The following ARRDC3 variants were observed in gnomAD, a reference collection of about 807,000 sequenced individuals.
ARRDC3 encodes the protein arrestin domain containing 3, also known as arrestin domain-containing protein 3.
Under a neutral mutation model 47.2 loss-of-function variants are expected in ARRDC3, and 10 were observed. The ratio of observed to expected loss-of-function variants is 0.21; its 90% confidence interval spans 0.13 to 0.36. The LOEUF (loss-of-function observed/expected upper bound fraction) is 0.36. ARRDC3 is among the 10% of genes least tolerant of loss of function. ARRDC3 has a pLI of 1.00. For missense variants in ARRDC3, 381 were observed against 503.6 expected (o/e 0.76, Z 2.33); for synonymous variants, 156 against 178.3 (o/e 0.87, Z 1.00).
In ARRDC3 at chr5:91,371,372, C is replaced by G; in HGVS notation, c.*28G>C. The G allele has an allele frequency of 1.3e-6, 2 of 1,592,732 alleles. No homozygotes were observed. The highest frequency in any genetic ancestry group is 8.6e-7 in the Non-Finnish European group (1 of 1,160,998). On this transcript the variant is annotated 3_prime_UTR_variant, in exon 8 of 8. Coordinates refer to ENST00000265138, the MANE Select transcript of ARRDC3 (RefSeq NM_020801.4). ...CGGAAGAGATACAGTTCGGAACCCACATCAACTTGATTCAACCAAGTGTTC... is the reference window on the plus strand; with the variant it reads ...CGGAAGAGATACAGTTCGGAACCCAGATCAACTTGATTCAACCAAGTGTTC...
Position 91,373,784 on chromosome 5 carries a change from G to T in ARRDC3, c.1088C>A (p.Ala363Glu). Residue 363 changes from alanine (A) to glutamate (E), a missense_variant, in exon 7 of 8, where the codon GCA (alanine) becomes GAA (glutamate). Transcript: ENST00000265138. ...VTEEQRRNNL[A>E]PVSACDDFER... ...AAAGTCATCACAAGCACTCACTGGT[G>T]CAAGATTGTTCCGCCTTTGTTCCTC... 1 of 1,614,104 alleles carries T rather than the reference G, an allele frequency of 6.2e-7. No individual in the cohort carries two copies. The highest frequency in any genetic ancestry group is 8.5e-7 in the Non-Finnish European group (1 of 1,179,962).
chr5:91,377,358 T>C (rs1799327827), intron 2 of ARRDC3, among the ~76,000 whole-genome samples: 1 of 152,126 alleles, frequency 6.6e-6, no homozygotes, highest in Non-Finnish European at 1.5e-5. Context: ...TCTCTAACTT[T>C]ACGGGCTTCA....
At position 91,374,925 on chromosome 5, in the gene ARRDC3, T is replaced by C. The variant is rs1461762488; in HGVS notation, c.867A>G (p.Leu289=). Residue 289 remains leucine, a synonymous_variant, in exon 5 of 8, where the codon CTA becomes CTG. Coordinates refer to ENST00000265138, the MANE Select transcript of ARRDC3 (RefSeq NM_020801.4). ...AACCTCTTAAATGTGTACATACCAT[T>C]AGTGAATATTCCACGCGGATTATAC... ...DCSIIRVEYS[L]MVYVDIPGAM... 2 of 1,614,044 alleles carry C rather than the reference T, an allele frequency of 1.2e-6. No individual in the cohort carries two copies. The highest frequency in any genetic ancestry group is 2.2e-5 in the East Asian group (1 of 44,880).
At chr5:91,373,984 A>G (rs1260758368) in intron 6 of ARRDC3, 130 bp downstream of exon 6, 11 of 1,422,020 alleles carry the variant, frequency 7.7e-6, no homozygotes, top group South Asian at 1.3e-5. Context: ...TCAAAACTGA[A>G]TATTAGGGGC....
Position 91,370,297 on chromosome 5 carries a change from T to A in ARRDC3, c.*1103A>T, listed in dbSNP as rs1020779644. 2 of 152,420 alleles carry A rather than the reference T, an allele frequency of 1.3e-5. No individual in the cohort carries two copies. Among genetic ancestry groups the A allele is most frequent in the East Asian group, 1.9e-4 (1 of 5,196 alleles). 9.4% of individuals were successfully genotyped at this position (152,420 alleles called of 1,614,324 possible). A position where few individuals can be genotyped will look rare whatever the true frequency, so the allele number is the denominator to read the frequency against. ...AACTTCCATACTTTCAAAATAATAA[T>A]AAAAAAAATAATTTTTAAGAGCAAC... On this transcript the variant is annotated 3_prime_UTR_variant, in exon 8 of 8. Transcript: ENST00000265138.
rs559913447 is a variant in ARRDC3 at position 91,369,961 on chromosome 5, A to C, written c.*1439T>G. On this transcript the variant is annotated 3_prime_UTR_variant, in exon 8 of 8. Coordinates refer to ENST00000265138, the MANE Select transcript of ARRDC3 (RefSeq NM_020801.4). ...TCTCATGTTTAGCAAATTGTTCTTT[A>C]GGTAATGAAAAACAGTATTCTCATT... 4 of 152,344 alleles carry C rather than the reference A, an allele frequency of 2.6e-5. No individual in the cohort carries two copies. The South Asian group carries it at 8.3e-4, about 32-fold the overall frequency. 9.4% of individuals were successfully genotyped at this position (152,344 alleles called of 1,614,324 possible).
intron 1 of ARRDC3, chr5:91,380,222 G>A: frequency 1.2e-5 from 2 of 163,988 alleles, no homozygotes; most frequent in Non-Finnish European, 2.6e-5. Context: ...GCGCGCCGCC[G>A]CCGCCGCCGC....
Position 91,383,255 on chromosome 5 carries a change from G to T in ARRDC3, c.-163C>A. On this transcript the variant is annotated 5_prime_UTR_variant, in exon 1 of 8. Coordinates refer to ENST00000265138, the MANE Select transcript of ARRDC3 (RefSeq NM_020801.4). ...ATAGTTCATTGAGATTTCTTAAAAA[G>T]TCAGGGCAGCAGAGGCTGCTGCTCC... 1.4e-6 allele frequency: 1 copy of T among 694,824 alleles called. No homozygotes were observed. The highest frequency in any genetic ancestry group is 2.3e-6 in the Non-Finnish European group (1 of 438,256). 43.0% of individuals were successfully genotyped at this position (694,824 alleles called of 1,614,324 possible).
At chr5:91,379,719 A>C (rs942190972) in intron 1 of ARRDC3, among the ~76,000 whole-genome samples, 9 of 152,148 alleles carry the variant, frequency 5.9e-5, no homozygotes, top group African/African-American at 2.2e-4. Flanking sequence ...TATCTTTTAA[A>C]GTTTTCTTGG....
chr5:91,372,726 A>T (rs1467127016), intron 7 of ARRDC3, among the ~76,000 whole-genome samples: 1 of 152,222 alleles, frequency 6.6e-6, no homozygotes, highest in Non-Finnish European at 1.5e-5. Flanking sequence ...TGTTAATAAA[A>T]AAAAAGAGAA....
At chr5:91,381,446 C>T (rs1488904718) in intron 1 of ARRDC3, among the ~76,000 whole-genome samples, 1 of 152,204 alleles carries the variant, frequency 6.6e-6, no homozygotes, top group Non-Finnish European at 1.5e-5. Context: ...TGTCATTAGG[C>T]ATTTGCATCT....
intron 2 of ARRDC3, 37 bp downstream of exon 2, chr5:91,378,657 A>C (rs967784068): frequency 8.1e-6 from 9 of 1,117,574 alleles, no homozygotes; most frequent in Non-Finnish European, 9.2e-6. Context: ...TCTGATCATA[A>C]GTATCTATAA....
At chr5:91,380,576 A>C (rs1489500651) in intron 1 of ARRDC3, 1 of 152,206 alleles carries the variant, frequency 6.6e-6, no homozygotes, top group Non-Finnish European at 1.5e-5. Context: ...CTGTCCCCTC[A>C]GGTCAACTCA....
chr5:91,376,618 T>C lies in ARRDC3; in HGVS notation c.510+3A>G, dbSNP rs1397933455. ...AAGAATAAATAATTCAGTCAATTCTTACCAGTAATGAAGGAGTGTTGATAT... is the reference window on the plus strand; with the variant it reads ...AAGAATAAATAATTCAGTCAATTCTCACCAGTAATGAAGGAGTGTTGATAT... On this transcript the variant is annotated splice_donor_region_variant and intron_variant, in intron 3 of 7. Transcript: ENST00000265138. The C allele has an allele frequency of 6.2e-7, 1 of 1,600,972 alleles. No homozygotes were observed. Among genetic ancestry groups the C allele is most frequent in the African/African-American group, 1.3e-5 (1 of 74,510 alleles).
At chr5:91,376,482 T>G in intron 3 of ARRDC3, 139 bp downstream of exon 3, 1 of 793,414 alleles carries the variant, frequency 1.3e-6, no homozygotes, top group Non-Finnish European at 1.9e-6. Flanking sequence ...TTGACTGTAT[T>G]TAAGAAAATG....
At chr5:91,376,191 A>G (rs1799298907) in intron 3 of ARRDC3, among the ~76,000 whole-genome samples, 1 of 152,204 alleles carries the variant, frequency 6.6e-6, no homozygotes, top group Non-Finnish European at 1.5e-5. Flanking sequence ...GAAACTAATG[A>G]TTCCCCATTA....
Position 91,375,007 on chromosome 5 carries a change from G to A in ARRDC3, c.785C>T (p.Thr262Met), listed in dbSNP as rs762608979. Residue 262 changes from threonine to methionine, a missense_variant, in exon 5 of 8, where the codon ACG becomes ATG. Thr to Met is a moderately conservative substitution (Grantham distance 81). Coordinates refer to ENST00000265138, the MANE Select transcript of ARRDC3 (RefSeq NM_020801.4). Reference protein sequence around the residue: ...GESLSSGKTETWNGKLLKIPP... With the variant: ...GESLSSGKTEMWNGKLLKIPP... ...AATTTTCAGCAACTTGCCATTCCAC[G>A]TCTCTGTCTTTCCAGATGATAAGGA... The A allele has an allele frequency of 6.8e-6, 11 of 1,614,038 alleles. No individual in the cohort carries two copies. The highest frequency in any genetic ancestry group is 1.3e-5 in the African/African-American group (1 of 74,934).
At chr5:91,374,693 G>C (rs1799258043) in intron 5 of ARRDC3, among the ~76,000 whole-genome samples, 1 of 152,052 alleles carries the variant, frequency 6.6e-6, no homozygotes, top group Admixed American at 6.5e-5. Flanking sequence ...AGACCAACCT[G>C]GGCGACATGG....
rs1380765376 is a variant in ARRDC3 at position 91,370,985 on chromosome 5, G to A, written c.*415C>T. On this transcript the variant is annotated 3_prime_UTR_variant, in exon 8 of 8. Transcript: ENST00000265138. ...TGCTGACCACAAACAAGTTTTAAGAGTATCAAGAGTCTGGCAAAAATAGAA... is the reference window on the plus strand; with the variant it reads ...TGCTGACCACAAACAAGTTTTAAGAATATCAAGAGTCTGGCAAAAATAGAA... 8.3e-6 allele frequency: 1 copy of A among 120,262 alleles called. No homozygotes were observed. The highest frequency in any genetic ancestry group is 1.6e-5 in the Non-Finnish European group (1 of 63,812). 7.4% of individuals were successfully genotyped at this position (120,262 alleles called of 1,614,324 possible).
Sources: gnomAD v4.1 joint callset for allele counts (sites outside exome capture counted in the v4.1 genomes callset) on GRCh38, gnomAD v4.1.1 for gene constraint, MANE v1.5 for transcripts, NCBI Gene and HGNC (gene_info 2026-07-23, HGNC 2026-07-21) for gene names.